Variants in ADAMTS7 observed in about 807,000 individuals in gnomAD.
ADAMTS7 encodes ADAM metallopeptidase with thrombospondin type 1 motif 7.
In ADAMTS7, 89 loss-of-function variants were observed where a neutral mutation model predicts 172.6. The ratio of observed to expected loss-of-function variants is 0.52; its 90% CI spans 0.43 to 0.61. The LOEUF is 0.61. Ranked by LOEUF, ADAMTS7 falls within the 20% of genes least tolerant of loss-of-function variation. The probability of loss-of-function intolerance (pLI) is 0.00; values close to 1 mark genes in which losing one functional copy is unlikely to be tolerated. For synonymous variants in ADAMTS7, 885 were observed against 978.4 expected (o/e 0.90, Z 1.78); for missense variants, 1,973 against 2,355.6 (o/e 0.84, Z 3.36).
chr15:78,805,379 C>T (rs868067790), intron 1 of ADAMTS7, among the ~76,000 whole-genome samples: 2 of 152,222 alleles, frequency 1.3e-5, no homozygotes, highest in African/African-American at 2.4e-5. Flanking sequence ...CAATTTTCAG[C>T]TTTTCTTGAA....
rs2055703482 is a variant in ADAMTS7 at position 78,800,284 on chromosome 15, G to A, written c.364C>T (p.Arg122Trp). ...AGGTGGCAGGCCGGGGTGTGGGCCC[G>A]GATGTGCGCGCGGCCCAGGCCGCCG... ...RRGGLGRAHI[R>W]AHTPACHLLG... The change falls in exon 2 of 24, where the codon CGG (arginine) becomes TGG (tryptophan). Residue 122 changes from arginine (R) to tryptophan (W), a missense_variant. This residue lies in a region of ADAMTS7 where 306 missense variants were observed against 288.0 expected (regional missense o/e 1.06). Transcript: ENST00000388820. The A allele has an allele frequency of 2.5e-6, 4 of 1,592,844 alleles. No homozygotes were observed. Among genetic ancestry groups the A allele is most frequent in the Non-Finnish European group, 2.6e-6 (3 of 1,175,542 alleles).
In ADAMTS7 at chr15:78,766,055, T is replaced by C. The variant is rs1350994266; in HGVS notation, c.3856A>G (p.Thr1286Ala). ...GGAAGGAGAGAAGCCACCCCAACAGTGGGCCACAGTTCACTGTCCACAGGC... is the reference window on the plus strand; with the variant it reads ...GGAAGGAGAGAAGCCACCCCAACAGCGGGCCACAGTTCACTGTCCACAGGC... ...LGPVDSELWPTVGVASLLPPP... is the reference protein window; with the variant it reads ...LGPVDSELWPAVGVASLLPPP... The change falls in exon 19 of 24, where the codon ACT (threonine) becomes GCT (alanine). Residue 1286 changes from threonine to alanine, a missense_variant. Physicochemically the swap from Thr to Ala is moderately conservative, Grantham distance 58 (BLOSUM62 0). Around this residue, in one of 8 missense-constraint regions of ADAMTS7, gnomAD observed 771 missense variants for 952.6 expected, o/e 0.81. Coordinates refer to ENST00000388820, the MANE Select transcript of ADAMTS7 (RefSeq NM_014272.5). 4 of 1,607,364 alleles carry C rather than the reference T, an allele frequency of 2.5e-6. No homozygotes were observed. In the African/African-American group the frequency reaches 5.3e-5, roughly 21 times the overall value.
rs144855755 is a variant in ADAMTS7 at position 78,781,099 on chromosome 15, C to G, written c.1323-3511G>C. Among the ~76,000 whole-genome samples the G allele has an allele frequency of 7.5e-3, 1,150 of 152,334 alleles. 11 individuals carry two copies. The highest frequency in any genetic ancestry group is 0.026 in the African/African-American group (1,071 of 41,578). On this transcript the variant is annotated intron_variant, in intron 8 of 23. Coordinates refer to ENST00000388820, the MANE Select transcript of ADAMTS7 (RefSeq NM_014272.5). ...TGGATAAGCATCTATATGCAGGAAG[C>G]CAAAGGGCTTCAGGACCAGCCAGGA... is the stretch of plus-strand genomic sequence containing the variant.
In ADAMTS7 at chr15:78,798,003, CG is replaced by C; in HGVS notation, c.566del (p.Pro189ArgfsTer42). 1 of 1,587,642 alleles carries C rather than the reference CG, an allele frequency of 6.3e-7. No individual in the cohort carries two copies. The highest frequency in any genetic ancestry group is 8.5e-7 in the Non-Finnish European group (1 of 1,169,862). On this transcript the variant is annotated frameshift_variant, in exon 3 of 24. Transcript: ENST00000388820. LOFTEE classifies it high-confidence loss of function. The part of the protein sequence containing the change: ...QPHVVYKRQA[P>X]ERLAQRGDSS... ...AATCACCCCGCTGTGCCAGCCTCTC[CG>C]GGGCCTGACGCTTGTACACCACATG...
chr15:78,796,045 C>G (rs1410091747), intron 4 of ADAMTS7, among the ~76,000 whole-genome samples: 1 of 152,178 alleles, frequency 6.6e-6, no homozygotes, highest in Non-Finnish European at 1.5e-5. Context: ...TGTCGTCATG[C>G]CCAGTTCACA....
In ADAMTS7 at chr15:78,800,323, C is replaced by G. The variant is rs1389219626; in HGVS notation, c.325G>C (p.Glu109Gln). 6.3e-7 allele frequency: 1 copy of G among 1,598,198 alleles called. No homozygotes were observed. The highest frequency in any genetic ancestry group is 1.3e-5 in the African/African-American group (1 of 74,386). The change falls in exon 2 of 24, where the codon GAG (glutamate) becomes CAG (glutamine). Residue 109 changes from glutamate (E) to glutamine (Q), a missense_variant. By Grantham distance (29) the Glu-to-Gln change is conservative. Around this residue, in one of 8 missense-constraint regions of ADAMTS7, gnomAD observed 306 missense variants for 288.0 expected, o/e 1.06. Transcript: ENST00000388820. ...QHLLAPGFVS[E>Q]TRRRGGLGRA... is the part of the protein sequence containing the mutation. ...CCCAGGCCGCCGCGCCGCCGCGTCT[C>G]GCTCACAAAGCCGGGCGCCAGCAGG...
chr15:78,809,203 C>A (rs573733228), intron 1 of ADAMTS7, among the ~76,000 whole-genome samples: 1 of 152,246 alleles, frequency 6.6e-6, no homozygotes, highest in South Asian at 2.1e-4. Context: ...GGGTCAGTCA[C>A]AAGTGGGGAA....
chr15:78,804,083 G>C (rs1330578543), intron 1 of ADAMTS7, among the ~76,000 whole-genome samples: 1 of 152,214 alleles, frequency 6.6e-6, no homozygotes, highest in Non-Finnish European at 1.5e-5. Flanking sequence ...GAGAGGTGGA[G>C]AGACTGGCCT....
chr15:78,800,789 G>C (rs534879012), intron 1 of ADAMTS7, among the ~76,000 whole-genome samples: 1 of 152,136 alleles, frequency 6.6e-6, no homozygotes, highest in Non-Finnish European at 1.5e-5. Context: ...TTGTTTGTTT[G>C]TTTTGAGACA....
chr15:78,810,999 G>A (rs1052752283), intron 1 of ADAMTS7, 122 bp downstream of exon 1: 2 of 1,078,540 alleles, frequency 1.9e-6, no homozygotes, highest in African/African-American at 1.6e-5. Context: ...CGGAAGACGC[G>A]ACCAACTCCA....
In ADAMTS7 at chr15:78,811,172, G is replaced by T. The variant is rs2055861487; in HGVS notation, c.49C>A (p.Leu17Ile). The change falls in exon 1 of 24, where the codon CTC becomes ATC. Residue 17 changes from leucine (L) to isoleucine (I), a missense_variant. This residue lies in a region of ADAMTS7 where 306 missense variants were observed against 288.0 expected (regional missense o/e 1.06). Coordinates refer to ENST00000388820, the MANE Select transcript of ADAMTS7 (RefSeq NM_014272.5). ...GCCAGAGCGCAGAGGAGCAGGAGGA[G>T]GGGGCGCAGCAAAGGCGCGGGGCTG... Reference protein sequence around the residue: ...PRSPAPLLRPLLLLLCALAPG... With the variant: ...PRSPAPLLRPILLLLCALAPG... 1.6e-6 allele frequency: 2 copies of T among 1,229,958 alleles called. No individual in the cohort carries two copies. Among genetic ancestry groups the T allele is most frequent in the Non-Finnish European group, 1.0e-6 (1 of 986,766 alleles). 76.2% of individuals were successfully genotyped at this position (1,229,958 alleles called of 1,614,324 possible). A position where few individuals can be genotyped will look rare whatever the true frequency, so the allele number is the denominator to read the frequency against.
At position 78,771,452 on chromosome 15, in the gene ADAMTS7, G is replaced by A; in HGVS notation, c.2376+133C>T. 3 of 1,530,856 alleles carry A rather than the reference G, an allele frequency of 2.0e-6. No individual in the cohort carries two copies. Among genetic ancestry groups the A allele is most frequent in the Non-Finnish European group, 2.6e-6 (3 of 1,135,536 alleles). 94.8% of individuals were successfully genotyped at this position (1,530,856 alleles called of 1,614,324 possible). On this transcript the variant is annotated intron_variant, in intron 15 of 23. Coordinates refer to ENST00000388820, the MANE Select transcript of ADAMTS7 (RefSeq NM_014272.5). The surrounding 1 kb of genome is among the most constrained non-coding windows in gnomAD (Gnocchi z 4.9). ...GAAACTGAGGTAGAGGCCGCAGCAG[G>A]AGGGCCTGGCTCAGAGCCAGGCTCT...
chr15:78,776,128 G>A (rs1473441813), intron 11 of ADAMTS7, 60 bp downstream of exon 11: 7 of 1,537,390 alleles, frequency 4.6e-6, no homozygotes, highest in South Asian at 2.4e-5. Flanking sequence ...TCCTGCAATC[G>A]GCTGACTGTT....
chr15:78,760,288 G>A (rs1432604740), intron 23 of ADAMTS7, among the ~76,000 whole-genome samples: 11 of 152,182 alleles, frequency 7.2e-5, no homozygotes, highest in Non-Finnish European at 1.6e-4. Context: ...GAGCTATTTT[G>A]GGAAGTGGCT....
chr15:78,806,480 T>C (rs78493817), intron 1 of ADAMTS7, among the ~76,000 whole-genome samples: 2,309 of 152,288 alleles, frequency 0.015, 188 homozygotes, highest in Admixed American at 0.13. Context: ...TAATGCACTA[T>C]AGAGCATGGG....
intron 22 of ADAMTS7, among the ~76,000 whole-genome samples, chr15:78,763,187 CAG>C (rs1349837459): frequency 6.6e-6 from 1 of 152,218 alleles, no homozygotes. Flanking sequence ...GCAACCTGCC[CAG>C]AGTCACTCAG....
rs1186431611 is a variant in ADAMTS7, at chr15:78,800,426, C to T, written c.222G>A (p.Val74=). The part of the protein sequence containing the change: ...PRALRKRDVS[V]RRDAPAFYEL... ...CGTAGAAGGCGGGCGCGTCTCGGCG[C>T]ACAGATACATCCCGCTTGCGCAGTG... Residue 74 remains valine (V), a synonymous_variant, in exon 2 of 24, where the codon GTG becomes GTA. Coordinates refer to ENST00000388820, the MANE Select transcript of ADAMTS7 (RefSeq NM_014272.5). The T allele has an allele frequency of 6.2e-7, 1 of 1,610,334 alleles. No homozygotes were observed. Among genetic ancestry groups the T allele is most frequent in the African/African-American group, 1.3e-5 (1 of 74,908 alleles).
intron 1 of ADAMTS7, among the ~76,000 whole-genome samples, chr15:78,807,866 T>C (rs1342717781): frequency 7.2e-6 from 1 of 139,374 alleles, no homozygotes; most frequent in Non-Finnish European, 1.7e-5. Flanking sequence ...TTTTTATTTA[T>C]TTATTTCTTT....
chr15:78,806,125 CACAAAAAAA>C (rs2055790674), intron 1 of ADAMTS7, among the ~76,000 whole-genome samples: 4 of 18,374 alleles, frequency 2.2e-4, no homozygotes, highest in African/African-American at 3.2e-4. Context: ...CACACACACA[CACAAAAAAA>C]AAAAAAAAAA....
Sources: gnomAD v4.1 joint callset for allele counts (sites outside exome capture counted in the v4.1 genomes callset) on GRCh38, gnomAD v4.1.1 for gene constraint, gnomAD v4.1.1 regional missense constraint, Gnocchi (gnomAD v3.1) non-coding constraint, MANE v1.5 for transcripts, NCBI Gene and HGNC (gene_info 2026-07-23, HGNC 2026-07-21) for gene names.